Variants in TASP1 observed in about 807,000 individuals in gnomAD.
The protein encoded by TASP1 is taspase 1.
In TASP1, 16 loss-of-function variants were observed where a neutral mutation model predicts 56.6. That is an observed-to-expected ratio of 0.28 (90% CI 0.19 to 0.43). The LOEUF (loss-of-function observed/expected upper bound fraction) is 0.43. Among genes scored for constraint, TASP1 ranks in the 20% least tolerant of loss-of-function variants. The pLI, the probability that TASP1 is intolerant of heterozygous loss-of-function variation, is 1.00. For synonymous variants in TASP1, 179 were observed against 184.2 expected (o/e 0.97, Z 0.23); for missense variants, 393 against 511.6 (o/e 0.77, Z 2.24).
At chr20:13,288,790 T>TC in the TASP1 span, 1 of 1,178,438 alleles carries the variant, frequency 8.5e-7, no homozygotes, top group Non-Finnish European at 1.2e-6. Context: ...ACTTTTCTTT[T>TC]CTTTTTTTTT....
At chr20:13,564,705 T>C (rs2046454362) in intron 7 of TASP1, among the ~76,000 whole-genome samples, 1 of 151,774 alleles carries the variant, frequency 6.6e-6, no homozygotes, top group Admixed American at 6.6e-5. Flanking sequence ...GCTACAGCAA[T>C]CAAAACAGTA....
chr20:13,488,490 T>C (rs2043407314), intron 10 of TASP1, among the ~76,000 whole-genome samples: 1 of 151,982 alleles, frequency 6.6e-6, no homozygotes, highest in African/African-American at 2.4e-5. Flanking sequence ...TCTACTAGAG[T>C]GAGGGTGAAT....
the TASP1 span, among the ~76,000 whole-genome samples, chr20:13,204,042 T>C: frequency 1.3e-5 from 2 of 152,230 alleles, no homozygotes; most frequent in East Asian, 3.8e-4. Context: ...TAAAATGTAG[T>C]AATGTCATAA....
At chr20:13,608,970 AAAAAG>A (rs2048254662) in intron 4 of TASP1, among the ~76,000 whole-genome samples, 1 of 152,212 alleles carries the variant, frequency 6.6e-6, no homozygotes, top group Admixed American at 6.5e-5. Flanking sequence ...GGCTTTTATT[AAAAAG>A]AAAACTATAG....
chr20:13,560,475 A>C (rs2046309673), intron 7 of TASP1, among the ~76,000 whole-genome samples: 1 of 152,156 alleles, frequency 6.6e-6, no homozygotes, highest in South Asian at 2.1e-4. Context: ...CATTCCCCAC[A>C]ATAAACTGGG....
At position 13,461,954 on chromosome 20, in the gene TASP1, G is replaced by T. The variant is rs994059013; in HGVS notation, c.985+21273C>A. Among the ~76,000 whole-genome samples the T allele has an allele frequency of 2.6e-5, 4 of 152,256 alleles. No homozygotes were observed. In the South Asian group the frequency reaches 6.2e-4, roughly 24 times the overall value. On this transcript the variant is annotated intron_variant, in intron 11 of 13. Coordinates refer to ENST00000337743, the MANE Select transcript of TASP1 (RefSeq NM_017714.3). ...CCCATTTTGTGGAGGAGACAATCAT[G>T]TGTCCAGCTAAGAAATTGTTTCTCA...
At chr20:13,296,081 C>T in the TASP1 span, among the ~76,000 whole-genome samples, 2 of 152,182 alleles carry the variant, frequency 1.3e-5, no homozygotes, top group African/African-American at 4.8e-5. Flanking sequence ...TTAATGCACC[C>T]CACATTCCAC....
chr20:13,434,156 A>T (rs1331722617), intron 12 of TASP1, among the ~76,000 whole-genome samples: 1 of 152,012 alleles, frequency 6.6e-6, no homozygotes, highest in East Asian at 1.9e-4. Context: ...TTTTTTTTTA[A>T]TCTGCATGCT....
At chr20:13,527,638 A>G (rs1026972785) in intron 10 of TASP1, among the ~76,000 whole-genome samples, 4 of 152,222 alleles carry the variant, frequency 2.6e-5, no homozygotes, top group East Asian at 1.9e-4. Context: ...ACATACGCAC[A>G]CACACACTTT....
At chr20:13,282,155 T>TTC in the TASP1 span, among the ~76,000 whole-genome samples, 2 of 152,102 alleles carry the variant, frequency 1.3e-5, no homozygotes, top group African/African-American at 4.8e-5. Flanking sequence ...AATTTTTTTT[T>TTC]CAATCCCGAT....
At chr20:13,322,458 A>C in the TASP1 span, among the ~76,000 whole-genome samples, 2 of 152,214 alleles carry the variant, frequency 1.3e-5, no homozygotes. Context: ...GCAGCTGACC[A>C]TATTGCAAAC....
the TASP1 span, among the ~76,000 whole-genome samples, chr20:13,249,047 T>C: frequency 6.6e-6 from 1 of 152,316 alleles, no homozygotes; most frequent in East Asian, 1.9e-4. Flanking sequence ...GTACATGTGG[T>C]CAGGTCAGGA....
the TASP1 span, chr20:13,110,142 A>G: frequency 6.2e-7 from 1 of 1,613,514 alleles, no homozygotes; most frequent in East Asian, 2.2e-5. Context: ...CTCCTGAGAG[A>G]TGCTGTCATC....
the TASP1 span, among the ~76,000 whole-genome samples, chr20:13,286,629 G>A: frequency 1.3e-5 from 2 of 152,164 alleles, no homozygotes; most frequent in Non-Finnish European, 2.9e-5. Context: ...CAGAGTTAGG[G>A]AGGAGGACAC....
At chr20:13,127,752 T>C in the TASP1 span, among the ~76,000 whole-genome samples, 1 of 152,202 alleles carries the variant, frequency 6.6e-6, no homozygotes. Flanking sequence ...TCTTTTTCAC[T>C]AAAGCAGGGT....
At chr20:13,158,367 C>T in the TASP1 span, among the ~76,000 whole-genome samples, 35,636 of 152,014 alleles carry the variant, frequency 0.23, 4,499 homozygotes, top group South Asian at 0.44. Context: ...TCCAGGGAGA[C>T]GCCAGGTTAG....
At chr20:13,621,703 T>C (rs1235162162) in intron 4 of TASP1, among the ~76,000 whole-genome samples, 1 of 152,202 alleles carries the variant, frequency 6.6e-6, no homozygotes, top group Admixed American at 6.5e-5. Context: ...CCCTTAAAAG[T>C]AGGATTCAAC....
chr20:13,162,497 G>C, the TASP1 span, among the ~76,000 whole-genome samples: 1 of 152,160 alleles, frequency 6.6e-6, no homozygotes. Flanking sequence ...GTACATGTAA[G>C]AGAAAATGGA....
Position 13,395,709 on chromosome 20 carries a change from T to C in TASP1, c.1171-5257A>G, listed in dbSNP as rs938740415. ...CTCAGCTTTCTTTTTTTTTTTTTTTTCTTTTTTCTTGAGACGCAGTCTCAC... is the reference window on the plus strand; with the variant it reads ...CTCAGCTTTCTTTTTTTTTTTTTTTCCTTTTTTCTTGAGACGCAGTCTCAC... On this transcript the variant is annotated intron_variant, in intron 13 of 13. Coordinates refer to ENST00000337743, the MANE Select transcript of TASP1 (RefSeq NM_017714.3). Among the ~76,000 whole-genome samples the C allele has an allele frequency of 8.6e-5, 13 of 150,696 alleles. No homozygotes were observed. In the East Asian group the frequency reaches 1.8e-3, roughly 20 times the overall value.
Sources: allele counts gnomAD v4.1 joint callset (sites outside exome capture counted in the v4.1 genomes callset), GRCh38; gene constraint gnomAD v4.1.1; transcripts MANE v1.5; gene names NCBI Gene and HGNC (gene_info 2026-07-23, HGNC 2026-07-21).